Variants in CKM observed in about 807,000 individuals in gnomAD.
CKM encodes the protein creatine kinase, M-type.
CKM carries 28 observed loss-of-function variants against 35.4 expected under a neutral mutation model. The ratio of observed to expected loss-of-function variants is 0.79; its 90% CI spans 0.59 to 1.08. The LOEUF (loss-of-function observed/expected upper bound fraction) is 1.08. Among genes scored for constraint, CKM ranks in the 50% least tolerant of loss-of-function variants. The probability of loss-of-function intolerance (pLI) is 0.00; values close to 1 mark genes in which losing one functional copy is unlikely to be tolerated. For missense variants in CKM, 484 were observed against 509.8 expected (o/e 0.95, Z 0.49); for synonymous variants, 215 against 204.4 (o/e 1.05, Z -0.44).
In CKM at chr19:45,308,584, C is replaced by G. The variant is rs558978316; in HGVS notation, c.654-52G>C. The G allele has an allele frequency of 1.0e-4, 165 of 1,612,342 alleles. 1 individual carries two copies. Among genetic ancestry groups the G allele is most frequent in the Middle Eastern group, 6.6e-4 (4 of 6,058 alleles). ...CCAAGGTGTCAGCCCCGTGGGAACCCCATTCCCAGCCCTCCCCCAAAACAT... is the reference window on the plus strand; with the variant it reads ...CCAAGGTGTCAGCCCCGTGGGAACCGCATTCCCAGCCCTCCCCCAAAACAT... On this transcript the variant is annotated intron_variant, in intron 5 of 7. Coordinates refer to ENST00000221476, the MANE Select transcript of CKM (RefSeq NM_001824.5).
chr19:45,316,252 C>T (rs2123141300), intron 3 of CKM, among the ~76,000 whole-genome samples: 1 of 151,552 alleles, frequency 6.6e-6, no homozygotes, highest in Non-Finnish European at 1.5e-5. Flanking sequence ...ATCACTTGAA[C>T]CTGGGGATCA....
Position 45,306,655 on chromosome 19 carries a change from CAG to C in CKM, c.*93_*94del, listed in dbSNP as rs1464093336. 7 of 1,361,474 alleles carry C rather than the reference CAG, an allele frequency of 5.1e-6. No individual in the cohort carries two copies. Among genetic ancestry groups the C allele is most frequent in the Non-Finnish European group, 4.2e-6 (4 of 962,254 alleles). 84.3% of individuals were successfully genotyped at this position (1,361,474 alleles called of 1,614,324 possible). On this transcript the variant is annotated 3_prime_UTR_variant, in exon 8 of 8. Transcript: ENST00000221476. The surrounding 1 kb of genome is among the most constrained non-coding windows in gnomAD (Gnocchi z 4.5). ...AGAGCCCCCAGGTGGGACTCTGGGACAGGGGGCGGGGCGAGGAGTGAGGGAGC... is the reference window on the plus strand; with the variant it reads ...AGAGCCCCCAGGTGGGACTCTGGGACGGGGCGGGGCGAGGAGTGAGGGAGC...
At chr19:45,322,055 G>A (rs1212966973) in intron 1 of CKM, among the ~76,000 whole-genome samples, 1 of 152,094 alleles carries the variant, frequency 6.6e-6, no homozygotes, top group Admixed American at 6.6e-5. Context: ...AAGTCAGCAG[G>A]CCCAAGACAG....
Position 45,306,873 on chromosome 19 carries a change from C to T in CKM, c.1023G>A (p.Arg341=), listed in dbSNP as rs373133726. ...CCTGTTCTACTTCGGACGAGCCCAG[C>T]CGATCAGCGTTGGACACGTCAAATA... ...GSVFDVSNAD[R]LGSSEVEQVQ... The change falls in exon 8 of 8, where the codon CGG becomes CGA. Residue 341 remains arginine (R), a synonymous_variant. Transcript: ENST00000221476. The surrounding 1 kb of genome is among the most constrained non-coding windows in gnomAD (Gnocchi z 4.5). The T allele has an allele frequency of 1.7e-5, 27 of 1,614,208 alleles. No homozygotes were observed. The highest frequency in any genetic ancestry group is 2.1e-5 in the Non-Finnish European group (25 of 1,180,040).
At chr19:45,322,060 A>G (rs1971217823) in intron 1 of CKM, among the ~76,000 whole-genome samples, 1 of 152,114 alleles carries the variant, frequency 6.6e-6, no homozygotes, top group Admixed American at 6.6e-5. Flanking sequence ...AGCAGGCCCA[A>G]GACAGGTGGG....
At chr19:45,318,807 C>T (rs543098699) in intron 2 of CKM, among the ~76,000 whole-genome samples, 2 of 152,112 alleles carry the variant, frequency 1.3e-5, no homozygotes, top group South Asian at 4.2e-4. Context: ...GCTCTCTTCG[C>T]CTTGCAATGT....
chr19:45,310,105 AC>A (rs1388190942), intron 5 of CKM, among the ~76,000 whole-genome samples: 2 of 147,698 alleles, frequency 1.4e-5, no homozygotes, highest in Non-Finnish European at 3.0e-5. Context: ...CTTAGTGTAT[AC>A]CAGGCACTGC....
At chr19:45,310,741 A>G (rs373627787) in intron 5 of CKM, among the ~76,000 whole-genome samples, 1 of 129,006 alleles carries the variant, frequency 7.8e-6, no homozygotes, top group East Asian at 2.5e-4. Context: ...GACCACAGGT[A>G]TACGCCATCA....
rs1464134533 is a variant in CKM at position 45,311,742 on chromosome 19, G to A, written c.653+7C>T. 3.2e-6 allele frequency: 5 copies of A among 1,566,832 alleles called. No homozygotes were observed. Among genetic ancestry groups the A allele is most frequent in the Non-Finnish European group, 4.3e-6 (5 of 1,158,214 alleles). The stretch of plus-strand genomic sequence containing the variant: ...AGAGGAAGCCAGGGGGCGGGGAGGG[G>A]CCTCACCAGATGCCACGGGCGTCGG... On this transcript the variant is annotated splice_region_variant and intron_variant, in intron 5 of 7. Coordinates refer to ENST00000221476, the MANE Select transcript of CKM (RefSeq NM_001824.5).
chr19:45,312,779 C>T (rs1036181740), intron 4 of CKM, among the ~76,000 whole-genome samples: 1 of 151,798 alleles, frequency 6.6e-6, no homozygotes, highest in Non-Finnish European at 1.5e-5. Flanking sequence ...CATGGTGAAA[C>T]CCCGTCTCCA....
chr19:45,312,161 C>T (rs1050406103), intron 4 of CKM, among the ~76,000 whole-genome samples: 10 of 152,378 alleles, frequency 6.6e-5, no homozygotes, highest in South Asian at 2.1e-4. Context: ...AAAACAGACC[C>T]ACCTCTTCCC....
At chr19:45,319,117 A>G (rs564910850) in intron 2 of CKM, among the ~76,000 whole-genome samples, 3 of 152,090 alleles carry the variant, frequency 2.0e-5, no homozygotes, top group Non-Finnish European at 4.4e-5. Flanking sequence ...TGGGCCTCCC[A>G]AAGTGCTGGG....
chr19:45,321,569 G>A (rs1049560603), intron 1 of CKM, among the ~76,000 whole-genome samples: 1 of 152,126 alleles, frequency 6.6e-6, no homozygotes, highest in Non-Finnish European at 1.5e-5. Flanking sequence ...CTGAGCACAG[G>A]CCCTGGCATG....
chr19:45,314,896 G>C (rs1415855121), intron 4 of CKM, among the ~76,000 whole-genome samples: 2 of 151,816 alleles, frequency 1.3e-5, no homozygotes, highest in African/African-American at 4.8e-5. Flanking sequence ...CTTTTTTGTA[G>C]AGACAGGGTC....
At chr19:45,309,304 C>T (rs1483876205) in intron 5 of CKM, among the ~76,000 whole-genome samples, 1 of 151,772 alleles carries the variant, frequency 6.6e-6, no homozygotes, top group Non-Finnish European at 1.5e-5. Flanking sequence ...CCTGTAATCC[C>T]AGCACTTTGG....
intron 1 of CKM, among the ~76,000 whole-genome samples, chr19:45,322,140 C>T (rs1156633229): frequency 2.0e-5 from 3 of 151,906 alleles, no homozygotes; most frequent in African/African-American, 7.3e-5. Context: ...CAGCCCAGAC[C>T]CCCTCCCTTC....
chr19:45,315,632 T>G (rs1448184564), intron 3 of CKM, 35 bp from the exon 4 acceptor site: 1 of 1,599,194 alleles, frequency 6.3e-7, no homozygotes, highest in South Asian at 1.1e-5. Flanking sequence ...ACCAGGCAGA[T>G]CCTCCGCCCT....
intron 5 of CKM, among the ~76,000 whole-genome samples, chr19:45,311,087 T>C (rs1048003985): frequency 1.3e-5 from 2 of 149,772 alleles, no homozygotes; most frequent in African/African-American, 5.0e-5. Flanking sequence ...GCTTTTTTTT[T>C]TTTTAATTTT....
chr19:45,316,127 C>T (rs1007844193), intron 3 of CKM, among the ~76,000 whole-genome samples: 2 of 151,948 alleles, frequency 1.3e-5, no homozygotes, highest in African/African-American at 2.4e-5. Flanking sequence ...GTCAGGAGTT[C>T]GAAACCAGCT....
Sources: gnomAD v4.1 joint callset for allele counts (sites outside exome capture counted in the v4.1 genomes callset) on GRCh38, gnomAD v4.1.1 for gene constraint, Gnocchi (gnomAD v3.1) non-coding constraint, MANE v1.5 for transcripts, NCBI Gene and HGNC (gene_info 2026-07-23, HGNC 2026-07-21) for gene names.